The following FAM78B variants were observed in gnomAD, a reference collection of about 807,000 sequenced individuals.
FAM78B encodes family with sequence similarity 78 member B, also known as protein FAM78B.
In FAM78B, 10 loss-of-function variants were observed where a neutral mutation model predicts 20.0. The observed-to-expected ratio is 0.50, with a 90% CI of 0.31 to 0.85. The LOEUF (loss-of-function observed/expected upper bound fraction) is 0.85, where lower values mean the gene tolerates loss of function less well. FAM78B is among the 40% of genes least tolerant of loss of function. The probability of loss-of-function intolerance (pLI) is 0.05; values close to 1 mark genes in which losing one functional copy is unlikely to be tolerated. For missense variants in FAM78B, 283 were observed against 345.0 expected (o/e 0.82, Z 1.42); for synonymous variants, 135 against 132.8 (o/e 1.02, Z -0.12).
chr1:166,150,578 T>C (rs1026461106), intron 1 of FAM78B, among the ~76,000 whole-genome samples: 3 of 152,288 alleles, frequency 2.0e-5, no homozygotes, highest in Middle Eastern at 3.4e-3. Context: ...AGCCTCATCC[T>C]CAAAATGTAC....
chr1:166,109,906 A>ATG lies in FAM78B; in HGVS notation c.264-39144_264-39143insCA, dbSNP rs1436629914. Among the ~76,000 whole-genome samples, 10 of 101,988 alleles carry ATG rather than the reference A, an allele frequency of 9.8e-5. 1 individual carries two copies. Among genetic ancestry groups the ATG allele is most frequent in the African/African-American group, 2.9e-4 (8 of 27,146 alleles). The allele number at this position is 101,988 out of a possible 152,430, so 66.9% of individuals were successfully genotyped here. A position where few individuals can be genotyped will look rare whatever the true frequency, so the allele number is the denominator to read the frequency against. On this transcript the variant is annotated intron_variant, in intron 1 of 1. Transcript: ENST00000354422. ...TGTATATATGTATATATATATATAT[A>ATG]TATATATATATATAATGGAATACTA...
chr1:166,085,804 GGTCTGGAAACCAGGAAATCCAAA>G (rs769023228), intron 1 of FAM78B, among the ~76,000 whole-genome samples: 168 of 152,278 alleles, frequency 1.1e-3, no homozygotes, highest in Non-Finnish European at 2.0e-3. Flanking sequence ...TGGCCTCAGT[GGTCTGGAAACCAGGAAATCCAAA>G]GTCTGGAAAC....
chr1:166,151,647 G>A (rs1470417652), intron 1 of FAM78B, among the ~76,000 whole-genome samples: 1 of 152,146 alleles, frequency 6.6e-6, no homozygotes, highest in Admixed American at 6.5e-5. Context: ...AACCATCTTA[G>A]CTTCCAGGTG....
chr1:166,105,880 C>G (rs1247579534), intron 1 of FAM78B, among the ~76,000 whole-genome samples: 2 of 151,776 alleles, frequency 1.3e-5, no homozygotes, highest in African/African-American at 4.8e-5. Context: ...GATTATAAAT[C>G]ATGCTGCTAT....
intron 1 of FAM78B, among the ~76,000 whole-genome samples, chr1:166,084,237 A>ACACTCTCTCT (rs771421402): frequency 1.0e-3 from 128 of 125,476 alleles, no homozygotes; most frequent in Admixed American, 2.1e-3. Flanking sequence ...ACACACACAC[A>ACACTCTCTCT]CTCTCTCTCT....
chr1:166,066,020 A>G (rs139733766), downstream of FAM78B, among the ~76,000 whole-genome samples: 591 of 152,332 alleles, frequency 3.9e-3, 3 homozygotes, highest in African/African-American at 0.014. Context: ...TCTAACAAGC[A>G]CGTTCAATGT....
intron 1 of FAM78B, among the ~76,000 whole-genome samples, chr1:166,077,610 T>C (rs1005079017): frequency 1.4e-5 from 2 of 144,314 alleles, no homozygotes; most frequent in African/African-American, 5.1e-5. Context: ...TATATATTTA[T>C]ATAAATTATA....
At chr1:166,087,316 G>C (rs1278474333) in intron 1 of FAM78B, 1 of 152,054 alleles carries the variant, frequency 6.6e-6, no homozygotes, top group Admixed American at 6.6e-5. Context: ...ACCTGCCTCA[G>C]CTCCCCAAAA....
Position 166,127,225 on chromosome 1 carries a change from C to T in FAM78B, c.263+38761G>A, listed in dbSNP as rs191682001. 8.0e-4 allele frequency among the ~76,000 whole-genome samples: 122 copies of T among 152,288 alleles called. 1 individual carries two copies. Among genetic ancestry groups the T allele is most frequent in the Middle Eastern group, 3.4e-3 (1 of 294 alleles). On this transcript the variant is annotated intron_variant, in intron 1 of 1. Transcript: ENST00000354422. The stretch of plus-strand genomic sequence containing the variant: ...GTGCTTGCAGTTCCTCTTTCATTTC[C>T]TACCACTTCCCCAGCTTTTGGCAGC...
At chr1:166,065,687 C>G (rs187581915), downstream of FAM78B, among the ~76,000 whole-genome samples, 1 of 152,290 alleles carries the variant, frequency 6.6e-6, no homozygotes, top group African/African-American at 2.4e-5. Flanking sequence ...ACTGGCAACT[C>G]TTCTGATGGC....
rs184743271 is a variant in FAM78B, at chr1:166,120,898, C to A, written c.263+45088G>T. On this transcript the variant is annotated intron_variant, in intron 1 of 1. Transcript: ENST00000354422. ...TTGTTCTTTACAGCTAAGTTTCCAA[C>A]ACTCTCCCCTTCATCCACTTGGCCA... is the stretch of plus-strand genomic sequence containing the variant. Among the ~76,000 whole-genome samples the A allele has an allele frequency of 2.1e-3, 320 of 152,348 alleles. 1 individual carries two copies. The highest frequency in any genetic ancestry group is 7.3e-3 in the African/African-American group (302 of 41,580).
At chr1:166,060,545 T>TG in exon 3 of FAM78B, 1 of 1,199,012 alleles carries the variant, frequency 8.3e-7, no homozygotes, top group Non-Finnish European at 1.1e-6. Flanking sequence ...CACATTTTAA[T>TG]GGGAAATCAG....
At chr1:166,085,161 T>C (rs903719979) in intron 1 of FAM78B, among the ~76,000 whole-genome samples, 1 of 152,190 alleles carries the variant, frequency 6.6e-6, no homozygotes, top group Non-Finnish European at 1.5e-5. Flanking sequence ...TCATGGACTG[T>C]TTTAGCATCC....
intron 1 of FAM78B, among the ~76,000 whole-genome samples, chr1:166,119,302 T>G (rs890034186): frequency 6.6e-6 from 1 of 152,202 alleles, no homozygotes; most frequent in African/African-American, 2.4e-5. Context: ...ACACACCCAG[T>G]TGTCTTCAAT....
chr1:166,066,998 G>C (rs537419162), downstream of FAM78B, among the ~76,000 whole-genome samples: 3 of 152,280 alleles, frequency 2.0e-5, no homozygotes, highest in Admixed American at 6.5e-5. Context: ...AGCTGTCACA[G>C]ATAAAGGGAA....
At chr1:166,060,311 A>C (rs759075671) in exon 3 of FAM78B, 7 of 311,288 alleles carry the variant, frequency 2.2e-5, no homozygotes, top group Non-Finnish European at 4.4e-5. Context: ...CATCCCTAGG[A>C]GGCTTCACTT....
At chr1:166,109,905 T>C (rs1172085394) in intron 1 of FAM78B, among the ~76,000 whole-genome samples, 5 of 107,556 alleles carry the variant, frequency 4.6e-5, no homozygotes, top group Admixed American at 9.8e-5. Context: ...TATATATATA[T>C]ATATATATAT....
intron 1 of FAM78B, among the ~76,000 whole-genome samples, chr1:166,089,555 C>CTGTT (rs1052171358): frequency 2.2e-4 from 34 of 151,978 alleles, no homozygotes; most frequent in African/African-American, 7.3e-4. Context: ...TGAGAGTGGG[C>CTGTT]TGTTTGCATT....
chr1:166,089,741 G>A (rs1415470558), intron 1 of FAM78B, among the ~76,000 whole-genome samples: 2 of 151,920 alleles, frequency 1.3e-5, no homozygotes, highest in African/African-American at 2.4e-5. Flanking sequence ...GGAGGGTACC[G>A]ATGGTGCCTA....
Sources: allele counts gnomAD v4.1 joint callset (sites outside exome capture counted in the v4.1 genomes callset), GRCh38; gene constraint gnomAD v4.1.1; transcripts MANE v1.5; gene names NCBI Gene and HGNC (gene_info 2026-07-23, HGNC 2026-07-21).